TACR2: variants seen among roughly 807,000 people sequenced by gnomAD.
TACR2 encodes tachykinin receptor 2.
In TACR2, 24 loss-of-function variants were observed where a neutral mutation model predicts 28.9. The ratio of observed to expected loss-of-function variants is 0.83; its 90% CI spans 0.60 to 1.17. TACR2 has a LOEUF of 1.17. Among genes scored for constraint, TACR2 ranks in the 50% most tolerant of loss-of-function variants. The pLI is 0.00. For synonymous variants in TACR2, 222 were observed against 212.6 expected (o/e 1.04, Z -0.38); for missense variants, 487 against 524.4 (o/e 0.93, Z 0.70).
At chr10:69,406,862 G>C (rs1367883120) in intron 4 of TACR2, among the ~76,000 whole-genome samples, 1 of 152,174 alleles carries the variant, frequency 6.6e-6, no homozygotes, top group African/African-American at 2.4e-5. Context: ...CCTGGGAGAC[G>C]GTGAGGATTT....
intron 3 of TACR2, among the ~76,000 whole-genome samples, chr10:69,407,496 C>T (rs1009513166): frequency 3.3e-5 from 5 of 152,226 alleles, no homozygotes; most frequent in African/African-American, 7.2e-5. Flanking sequence ...TCTGCCCATA[C>T]TGCCATCCTT....
At position 69,404,600 on chromosome 10, in the gene TACR2, G is replaced by A. The variant is rs201654005; in HGVS notation, c.*226C>T. 2 of 367,146 alleles carry A rather than the reference G, an allele frequency of 5.4e-6. No individual in the cohort carries two copies. Among genetic ancestry groups the A allele is most frequent in the Non-Finnish European group, 9.7e-6 (2 of 206,160 alleles). The allele number at this position is 367,146 out of a possible 1,614,324, so 22.7% of individuals were successfully genotyped here. ...CTTCTTGTCATGGTGGAAAGTGGAA[G>A]GGAAGTGTTGTGTGCAAAGAGATCA... On this transcript the variant is annotated 3_prime_UTR_variant, in exon 5 of 5. Coordinates refer to ENST00000373306, the MANE Select transcript of TACR2 (RefSeq NM_001057.3).
chr10:69,405,777 A>C (rs1840496663), intron 4 of TACR2, among the ~76,000 whole-genome samples: 1 of 152,126 alleles, frequency 6.6e-6, no homozygotes, highest in Admixed American at 6.5e-5. Context: ...GTAGCAGGAG[A>C]GTGATCAACC....
intron 2 of TACR2, among the ~76,000 whole-genome samples, chr10:69,409,577 G>T (rs1234947816): frequency 6.6e-6 from 1 of 152,070 alleles, no homozygotes; most frequent in South Asian, 2.1e-4. Context: ...CAAAATAGGG[G>T]AGGAGAGTAC....
rs548744386 is a variant in TACR2 at position 69,407,103 on chromosome 10, A to C, written c.919T>G (p.Tyr307Asp). ...GCTCACCTGTGGTTGAGACAGCAGT[A>C]GATGATGGGATTGTACATGGTAGAG... The part of the protein sequence containing the change: ...MSSTMYNPII[Y>D]CCLNHRFRSG... Residue 307 changes from tyrosine to aspartate, a missense_variant, in exon 4 of 5, where the codon TAC becomes GAC. Physicochemically the swap from Tyr to Asp is radical, Grantham distance 160. Transcript: ENST00000373306. The C allele has an allele frequency of 6.2e-7, 1 of 1,613,784 alleles. No homozygotes were observed. Among genetic ancestry groups the C allele is most frequent in the Admixed American group, 1.7e-5 (1 of 59,966 alleles).
At chr10:69,413,519 C>T (rs572222646) in intron 2 of TACR2, among the ~76,000 whole-genome samples, 2 of 152,314 alleles carry the variant, frequency 1.3e-5, no homozygotes, top group East Asian at 1.9e-4. Flanking sequence ...ATATGGATAT[C>T]GCCCTCCGTG....
Position 69,415,430 on chromosome 10 carries a change from C to G in TACR2, c.393-291G>C, listed in dbSNP as rs112442620. On this transcript the variant is annotated intron_variant, in intron 1 of 4. Transcript: ENST00000373306. ...GCCACAAGAAAGCCACACTGGAAGC[C>G]CATCTCAGGGCAAGATCAAGCATCC... is the stretch of plus-strand genomic sequence containing the variant. Among the ~76,000 whole-genome samples the G allele has an allele frequency of 8.1e-3, 1,236 of 152,328 alleles. 24 individuals carry two copies. Among genetic ancestry groups the G allele is most frequent in the African/African-American group, 0.028 (1,176 of 41,576 alleles).
At chr10:69,409,865 G>GTACATATA (rs1564580978) in intron 2 of TACR2, among the ~76,000 whole-genome samples, 1 of 118,970 alleles carries the variant, frequency 8.4e-6, no homozygotes, top group African/African-American at 3.1e-5. Context: ...ATATGTATAT[G>GTACATATA]TATATATATA....
At chr10:69,413,797 A>C (rs1181283620) in intron 2 of TACR2, among the ~76,000 whole-genome samples, 1 of 152,168 alleles carries the variant, frequency 6.6e-6, no homozygotes, top group African/African-American at 2.4e-5. Context: ...CTTTGTGGGA[A>C]GGATCTGCCA....
intron 2 of TACR2, among the ~76,000 whole-genome samples, chr10:69,409,916 T>TATATATATATAC (rs1840552603): frequency 3.2e-5 from 1 of 31,548 alleles, no homozygotes; most frequent in Admixed American, 2.9e-4. Context: ...TATATATATA[T>TATATATATATAC]ATATATATAT....
intron 2 of TACR2, 116 bp from the exon 3 acceptor site, chr10:69,409,191 T>A: frequency 8.9e-7 from 1 of 1,118,568 alleles, no homozygotes; most frequent in Non-Finnish European, 1.2e-6. Context: ...GGGCCCACCC[T>A]GGGCGCCTCC....
At chr10:69,405,135 G>A (rs1840490564) in intron 4 of TACR2, 51 bp from the exon 5 acceptor site, 3 of 1,488,746 alleles carry the variant, frequency 2.0e-6, no homozygotes, top group Non-Finnish European at 2.8e-6. Flanking sequence ...CTCAGGAGCT[G>A]TGATGTGACT....
At chr10:69,409,922 T>TATAC (rs1409412056) in intron 2 of TACR2, among the ~76,000 whole-genome samples, 3 of 90,462 alleles carry the variant, frequency 3.3e-5, no homozygotes, top group East Asian at 6.2e-4. Flanking sequence ...TATATATATA[T>TATAC]ATATATATAT....
chr10:69,409,865 G>GTATATATACATATATACATATATACATA (rs1840546228), intron 2 of TACR2, among the ~76,000 whole-genome samples: 2 of 118,988 alleles, frequency 1.7e-5, no homozygotes, highest in East Asian at 3.4e-4. Context: ...ATATGTATAT[G>GTATATATACATATATACATATATACATA]TATATATATA....
intron 4 of TACR2, among the ~76,000 whole-genome samples, chr10:69,406,762 C>T (rs985052026): frequency 7.2e-5 from 11 of 152,316 alleles, no homozygotes; most frequent in African/African-American, 2.2e-4. Context: ...CCCTCCCCTT[C>T]ATCTCTCTGG....
rs1045985134 is a variant in TACR2 at position 69,409,978 on chromosome 10, G to A, written c.588-903C>T. On this transcript the variant is annotated intron_variant, in intron 2 of 4. Transcript: ENST00000373306. ...TGTCTGGATGGATAGAATGACTGGT[G>A]TTAATAAGGCTCCATCTGCACCAAC... Among the ~76,000 whole-genome samples, 59 of 143,790 alleles carry A rather than the reference G, an allele frequency of 4.1e-4. 1 individual carries two copies. The highest frequency in any genetic ancestry group is 1.4e-4 in the Non-Finnish European group (9 of 66,238). The allele number at this position is 143,790 out of a possible 152,430, so 94.3% of individuals were successfully genotyped here.
intron 3 of TACR2, 98 bp from the exon 4 acceptor site, chr10:69,407,378 C>T (rs1840512047): frequency 2.5e-6 from 3 of 1,176,540 alleles, no homozygotes; most frequent in Non-Finnish European, 3.6e-6. Flanking sequence ...CACCTGGGAA[C>T]TGCTCCACAC....
chr10:69,405,670 G>A (rs577794459), intron 4 of TACR2, among the ~76,000 whole-genome samples: 1 of 152,194 alleles, frequency 6.6e-6, no homozygotes, highest in Non-Finnish European at 1.5e-5. Context: ...GAAAGGGAAC[G>A]CTGGCTGCTC....
At chr10:69,407,413 C>G (rs1008990027) in intron 3 of TACR2, 133 bp from the exon 4 acceptor site, 7 of 866,862 alleles carry the variant, frequency 8.1e-6, no homozygotes, top group Non-Finnish European at 1.2e-5. Context: ...CTCTATTACT[C>G]AGGCCTCTGA....
Sources: gnomAD v4.1 joint callset for allele counts (sites outside exome capture counted in the v4.1 genomes callset) on GRCh38, gnomAD v4.1.1 for gene constraint, MANE v1.5 for transcripts, NCBI Gene and HGNC (gene_info 2026-07-23, HGNC 2026-07-21) for gene names.